GNAQ: variants seen among roughly 807,000 people sequenced by gnomAD.
The protein encoded by GNAQ is guanine nucleotide-binding protein G(q) subunit alpha.
A neutral mutation model predicts 43.9 loss-of-function variants in GNAQ; 8 were observed. That is an observed-to-expected ratio of 0.18 (90% CI 0.11 to 0.33). The LOEUF (loss-of-function observed/expected upper bound fraction) is 0.33. Among genes scored for constraint, GNAQ ranks in the 10% least tolerant of loss-of-function variants. GNAQ has a pLI of 1.00. For synonymous variants in GNAQ, 155 were observed against 170.7 expected (o/e 0.91, Z 0.71); for missense variants, 158 against 450.8 (o/e 0.35, Z 5.88).
At position 77,841,452 on chromosome 9, in the gene GNAQ, A is replaced by G. The variant is rs974439511; in HGVS notation, c.322-25682T>C. 3.9e-5 allele frequency among the ~76,000 whole-genome samples: 6 copies of G among 152,360 alleles called. No individual in the cohort carries two copies. The South Asian group carries it at 8.3e-4, about 21-fold the overall frequency. On this transcript the variant is annotated intron_variant, in intron 2 of 6. Coordinates refer to ENST00000286548, the MANE Select transcript of GNAQ (RefSeq NM_002072.5). ...CAGAGAAATGATTGGCAATGGAACA[A>G]TCAGTATTCGGCAATTTTCTCACAA...
At chr9:77,914,748 TTGGTACCCTGTGGCCAAGAATCCAATTAA>T (rs1034144770) in intron 2 of GNAQ, among the ~76,000 whole-genome samples, 5 of 151,854 alleles carry the variant, frequency 3.3e-5, no homozygotes, top group Non-Finnish European at 7.4e-5. Flanking sequence ...ATAGGCTGTT[TTGGTACCCTGTGGCCAAGAATCCAATTAA>T]AATCACTGTC....
intron 1 of GNAQ, among the ~76,000 whole-genome samples, chr9:77,946,725 G>A (rs934833316): frequency 2.0e-5 from 3 of 152,216 alleles, no homozygotes; most frequent in African/African-American, 4.8e-5. Context: ...ATGCCTTAAA[G>A]CAGTTGCTAT....
At chr9:77,756,995 C>T (rs1411179841) in intron 5 of GNAQ, among the ~76,000 whole-genome samples, 1 of 152,162 alleles carries the variant, frequency 6.6e-6, no homozygotes, top group Non-Finnish European at 1.5e-5. Context: ...ACACTGATAA[C>T]AGCTTGTTAT....
At chr9:78,014,864 G>A (rs528441010) in intron 1 of GNAQ, among the ~76,000 whole-genome samples, 91 of 152,282 alleles carry the variant, frequency 6.0e-4, no homozygotes, top group African/African-American at 2.0e-3. Flanking sequence ...AACAGACCAC[G>A]TAAATAACTG....
At chr9:77,830,145 G>C (rs1351615714) in intron 2 of GNAQ, among the ~76,000 whole-genome samples, 2 of 152,070 alleles carry the variant, frequency 1.3e-5, no homozygotes, top group Non-Finnish European at 1.5e-5. Flanking sequence ...GTTGAGACAA[G>C]ATCTCCCTAG....
At chr9:77,732,698 CA>C (rs1825515156) in intron 5 of GNAQ, among the ~76,000 whole-genome samples, 1 of 152,178 alleles carries the variant, frequency 6.6e-6, no homozygotes, top group South Asian at 2.1e-4. Context: ...ACCCCTAACA[CA>C]GGGCTCCTTG....
chr9:77,941,905 CAT>C (rs1403926402), intron 1 of GNAQ, among the ~76,000 whole-genome samples: 38 of 104,486 alleles, frequency 3.6e-4, no homozygotes, highest in South Asian at 6.6e-4. Flanking sequence ...ATACAACATA[CAT>C]ACACACACAC....
At chr9:77,870,432 G>A (rs923047630) in intron 2 of GNAQ, among the ~76,000 whole-genome samples, 4 of 148,520 alleles carry the variant, frequency 2.7e-5, no homozygotes, top group African/African-American at 1.0e-4. Flanking sequence ...ACGGATTCAC[G>A]TCATTCTCCT....
intron 5 of GNAQ, among the ~76,000 whole-genome samples, chr9:77,787,019 C>T (rs1474470183): frequency 1.3e-5 from 2 of 152,148 alleles, no homozygotes; most frequent in Non-Finnish European, 2.9e-5. Flanking sequence ...GAGTGAATTA[C>T]ATAGAATGCA....
rs1823901539 is a variant in GNAQ, at chr9:78,020,979, T to C, written c.136+10121A>G. Among the ~76,000 whole-genome samples, 4 of 151,580 alleles carry C rather than the reference T, an allele frequency of 2.6e-5. No homozygotes were observed. The South Asian group carries it at 8.3e-4, about 32-fold the overall frequency. ...CATTTCTCCAGAACTAGCATGAGAG[T>C]CCAGCTGCTCTTTCTTTGGCCACAG... On this transcript the variant is annotated intron_variant, in intron 1 of 6. Coordinates refer to ENST00000286548, the MANE Select transcript of GNAQ (RefSeq NM_002072.5).
chr9:77,958,997 A>G (rs1823075267), intron 1 of GNAQ, among the ~76,000 whole-genome samples: 1 of 152,218 alleles, frequency 6.6e-6, no homozygotes, highest in Non-Finnish European at 1.5e-5. Flanking sequence ...TAAAGAAAGA[A>G]ATGAGCATTT....
At chr9:77,841,191 G>A (rs571526678) in intron 2 of GNAQ, among the ~76,000 whole-genome samples, 1 of 152,174 alleles carries the variant, frequency 6.6e-6, no homozygotes, top group African/African-American at 2.4e-5. Flanking sequence ...GGGAGTTTAT[G>A]CTTACCTATA....
chr9:77,926,733 T>C (rs1382943733), intron 1 of GNAQ, among the ~76,000 whole-genome samples: 2 of 152,194 alleles, frequency 1.3e-5, no homozygotes, highest in Non-Finnish European at 2.9e-5. Flanking sequence ...TATATAAATA[T>C]GACTTGAAAA....
At chr9:77,990,378 G>A (rs1161660143) in intron 1 of GNAQ, among the ~76,000 whole-genome samples, 2 of 152,072 alleles carry the variant, frequency 1.3e-5, no homozygotes, top group African/African-American at 2.4e-5. Flanking sequence ...TGCCATTATG[G>A]CCCATTAATT....
intron 2 of GNAQ, among the ~76,000 whole-genome samples, chr9:77,828,696 T>C (rs1316492099): frequency 6.6e-6 from 1 of 152,250 alleles, no homozygotes; most frequent in Non-Finnish European, 1.5e-5. Context: ...CTTGCCTTCT[T>C]ATATATTTGT....
intron 6 of GNAQ, among the ~76,000 whole-genome samples, 177 bp downstream of exon 6, chr9:77,728,337 A>G (rs949668452): frequency 6.6e-6 from 1 of 152,202 alleles, no homozygotes; most frequent in African/African-American, 2.4e-5. Context: ...AAGGAATGCA[A>G]TGTTTTGTGT....
chr9:77,765,400 C>T (rs1826119326), intron 5 of GNAQ, among the ~76,000 whole-genome samples: 1 of 152,062 alleles, frequency 6.6e-6, no homozygotes, highest in African/African-American at 2.4e-5. Flanking sequence ...ATAAAGACTC[C>T]TACAACTCAA....
chr9:77,998,294 C>T (rs921904666), intron 1 of GNAQ, among the ~76,000 whole-genome samples: 2 of 152,316 alleles, frequency 1.3e-5, no homozygotes, highest in Admixed American at 6.5e-5. Flanking sequence ...TTTTTGTCTG[C>T]AGCATTTTTA....
chr9:77,848,001 G>C (rs1433344823), intron 2 of GNAQ, among the ~76,000 whole-genome samples: 1 of 152,202 alleles, frequency 6.6e-6, no homozygotes, highest in Non-Finnish European at 1.5e-5. Context: ...TTAGATGTTA[G>C]GTGATGTAGT....
Sources: allele counts gnomAD v4.1 joint callset (sites outside exome capture counted in the v4.1 genomes callset), GRCh38; gene constraint gnomAD v4.1.1; transcripts MANE v1.5; gene names NCBI Gene and HGNC (gene_info 2026-07-23, HGNC 2026-07-21).